Variants in TTC27 observed in about 807,000 individuals in gnomAD.
TTC27 encodes tetratricopeptide repeat domain 27.
TTC27 carries 79 observed loss-of-function variants against 115.9 expected under a neutral mutation model. The ratio of observed to expected loss-of-function variants is 0.68; its 90% CI spans 0.57 to 0.82. The LOEUF is 0.82. TTC27 is among the 40% of genes least tolerant of loss of function. The probability of loss-of-function intolerance (pLI) is 0.00; values close to 1 mark genes in which losing one functional copy is unlikely to be tolerated. For missense variants in TTC27, 1,054 were observed against 993.1 expected (o/e 1.06, Z -0.82); for synonymous variants, 401 against 356.0 (o/e 1.13, Z -1.42).
chr2:32,798,611 A>G (rs565285965), intron 16 of TTC27, among the ~76,000 whole-genome samples: 394 of 150,892 alleles, frequency 2.6e-3, no homozygotes, highest in Middle Eastern at 0.017. Flanking sequence ...AGGCTGAGGC[A>G]GGAGAATGGC....
At chr2:32,725,759 G>A (rs940967690) in intron 10 of TTC27, among the ~76,000 whole-genome samples, 7 of 152,184 alleles carry the variant, frequency 4.6e-5, no homozygotes, top group Non-Finnish European at 7.4e-5. Flanking sequence ...TGGTGGCTCC[G>A]ACCCCACATT....
Position 32,702,862 on chromosome 2 carries a change from G to A in TTC27, c.1175G>A (p.Arg392Gln), listed in dbSNP as rs750852908. 75 of 1,613,836 alleles carry A rather than the reference G, an allele frequency of 4.6e-5. No homozygotes were observed. The highest frequency in any genetic ancestry group is 7.7e-5 in the South Asian group (7 of 91,068). ...WAIQTSALIL[R>Q]TKLEKGSTRR... is the part of the protein sequence containing the mutation. ...ATTCAGACATCAGCCTTGATCCTCC[G>A]GACAAAACTTGAGAAAGGAAGTACT... Residue 392 changes from arginine to glutamine, a missense_variant, in exon 10 of 20, where the codon CGG becomes CAG. Coordinates refer to ENST00000317907, the MANE Select transcript of TTC27 (RefSeq NM_017735.5).
chr2:32,810,053 G>A (rs555684528), intron 16 of TTC27, among the ~76,000 whole-genome samples: 2 of 150,304 alleles, frequency 1.3e-5, no homozygotes, highest in East Asian at 3.9e-4. Flanking sequence ...GGAGGCGGAA[G>A]TTGTGGTGCT....
intron 8 of TTC27, among the ~76,000 whole-genome samples, chr2:32,673,267 T>A (rs1038884173): frequency 6.7e-6 from 1 of 148,152 alleles, no homozygotes; most frequent in Non-Finnish European, 1.5e-5. Context: ...TATTGTTGCC[T>A]AGGCTGGAGT....
rs546417053 is a variant in TTC27 at position 32,709,313 on chromosome 2, C to G, written c.1233+6393C>G. ...GATGTCAGTTTTACAGTGGAAAAAA[C>G]TAGCAAACACTACCATAACCTTGTG... On this transcript the variant is annotated intron_variant, in intron 10 of 19. Coordinates refer to ENST00000317907, the MANE Select transcript of TTC27 (RefSeq NM_017735.5). Among the ~76,000 whole-genome samples, 12 of 152,242 alleles carry G rather than the reference C, an allele frequency of 7.9e-5. 1 individual carries two copies. In the South Asian group the frequency reaches 2.5e-3, roughly 32 times the overall value.
chr2:32,790,794 C>T (rs1670510896), intron 16 of TTC27, among the ~76,000 whole-genome samples: 1 of 151,904 alleles, frequency 6.6e-6, no homozygotes, highest in African/African-American at 2.4e-5. Context: ...TATAGATGTG[C>T]TACTGATGTT....
intron 4 of TTC27, among the ~76,000 whole-genome samples, chr2:32,640,997 C>G (rs1045628339): frequency 6.6e-6 from 1 of 151,654 alleles, no homozygotes; most frequent in Non-Finnish European, 1.5e-5. Flanking sequence ...CAAAACAAAA[C>G]AACAACAACA....
At chr2:32,696,066 T>C (rs1666975526) in intron 9 of TTC27, among the ~76,000 whole-genome samples, 1 of 146,480 alleles carries the variant, frequency 6.8e-6, no homozygotes, top group African/African-American at 2.5e-5. Flanking sequence ...GAGGTTGCAG[T>C]GAGCCAAGAT....
At chr2:32,735,238 AG>A (rs1462619142) in intron 11 of TTC27, among the ~76,000 whole-genome samples, 1 of 152,220 alleles carries the variant, frequency 6.6e-6, no homozygotes, top group Non-Finnish European at 1.5e-5. Context: ...CAAGTAAAAA[AG>A]CTTTATGATA....
At chr2:32,646,606 C>T (rs1664871287) in intron 4 of TTC27, among the ~76,000 whole-genome samples, 1 of 148,598 alleles carries the variant, frequency 6.7e-6, no homozygotes, top group African/African-American at 2.5e-5. Flanking sequence ...GTCTGTCTCC[C>T]AGGCTGGAGT....
intron 6 of TTC27, among the ~76,000 whole-genome samples, chr2:32,665,615 A>G (rs1665743542): frequency 1.3e-5 from 2 of 152,142 alleles, no homozygotes; most frequent in Admixed American, 6.6e-5. Context: ...ATAAACTGTG[A>G]CAGGTGCTGT....
chr2:32,702,032 C>CAAAAAA (rs1194581174), intron 9 of TTC27, among the ~76,000 whole-genome samples: 2 of 142,886 alleles, frequency 1.4e-5, no homozygotes, highest in African/African-American at 2.5e-5. Context: ...AAAACAAAAA[C>CAAAAAA]AAAAAAAACC....
chr2:32,751,228 G>A (rs1668997718), intron 12 of TTC27, among the ~76,000 whole-genome samples: 2 of 146,614 alleles, frequency 1.4e-5, no homozygotes, highest in African/African-American at 5.0e-5. Flanking sequence ...ACCCATTTTT[G>A]TTCTGCTCAG....
chr2:32,659,700 G>A (rs1178548378), intron 5 of TTC27, among the ~76,000 whole-genome samples: 2 of 152,160 alleles, frequency 1.3e-5, no homozygotes, highest in South Asian at 2.1e-4. Context: ...CCCACATGAT[G>A]TTCTCCTCCC....
intron 10 of TTC27, among the ~76,000 whole-genome samples, chr2:32,707,372 C>T (rs1332563546): frequency 2.0e-5 from 3 of 152,164 alleles, no homozygotes; most frequent in South Asian, 2.1e-4. Flanking sequence ...AATTAACCCA[C>T]TCCCATGGTA....
chr2:32,642,247 A>ATTTTTTTTTT (rs10634857), intron 4 of TTC27, among the ~76,000 whole-genome samples: 8 of 102,150 alleles, frequency 7.8e-5, no homozygotes, highest in East Asian at 3.0e-4. Flanking sequence ...TATACACTAA[A>ATTTTTTTTTT]TTTTTTTTTT....
intron 16 of TTC27, among the ~76,000 whole-genome samples, chr2:32,797,173 CA>C (rs61136534): frequency 0.39 from 31,675 of 80,338 alleles, 3,138 homozygotes; most frequent in South Asian, 0.52. Context: ...AACTCTGTCT[CA>C]AAAAAAAAAA....
intron 16 of TTC27, among the ~76,000 whole-genome samples, chr2:32,790,706 A>G (rs1213436946): frequency 3.3e-5 from 5 of 151,514 alleles, no homozygotes; most frequent in Non-Finnish European, 7.4e-5. Flanking sequence ...ACAATTCCCC[A>G]TTTCCTCCCC....
chr2:32,676,590 C>T lies in TTC27; in HGVS notation c.1053-2266C>T, dbSNP rs1666217052. Among the ~76,000 whole-genome samples the T allele has an allele frequency of 5.4e-5, 8 of 147,260 alleles. 1 individual carries two copies. In the South Asian group the frequency reaches 1.7e-3, roughly 32 times the overall value. ...CACTGCAACCTCTGCGTCCTGGGTT[C>T]AAGCAGTTCTCTGCCTCAGTCTCCT... On this transcript the variant is annotated intron_variant, in intron 8 of 19. Transcript: ENST00000317907.
Sources: allele counts gnomAD v4.1 joint callset (sites outside exome capture counted in the v4.1 genomes callset), GRCh38; gene constraint gnomAD v4.1.1; transcripts MANE v1.5; gene names NCBI Gene and HGNC (gene_info 2026-07-23, HGNC 2026-07-21).